The following HCN1 variants were observed in gnomAD, a reference collection of about 807,000 sequenced individuals.
HCN1 encodes potassium/sodium hyperpolarization-activated cyclic nucleotide-gated channel 1.
Under a neutral mutation model 78.9 loss-of-function variants are expected in HCN1, and 13 were observed. The ratio of observed to expected loss-of-function variants is 0.16; its 90% CI spans 0.11 to 0.26. The LOEUF is 0.26. Among genes scored for constraint, HCN1 ranks in the 10% least tolerant of loss-of-function variants. The pLI, the probability that HCN1 is intolerant of heterozygous loss-of-function variation, is 1.00. For missense variants in HCN1, 810 were observed against 1,154.3 expected, an observed-to-expected ratio of 0.70 and a Z score of 4.32; for synonymous variants, 552 against 455.5, an observed-to-expected ratio of 1.21 and a Z score of -2.70.
intron 6 of HCN1, among the ~76,000 whole-genome samples, chr5:45,278,121 C>T (rs1220835225): frequency 1.3e-5 from 2 of 152,092 alleles, no homozygotes; most frequent in Non-Finnish European, 2.9e-5. Flanking sequence ...TGTCATCCCC[C>T]TGAGTGCCTG....
intron 4 of HCN1, among the ~76,000 whole-genome samples, chr5:45,367,691 C>A (rs1747263939): frequency 1.3e-5 from 2 of 151,848 alleles, no homozygotes. Context: ...ATCGTAACTT[C>A]CAAATAAGTT....
At chr5:45,682,290 C>CATATATATATAT (rs1340648040) in intron 1 of HCN1, among the ~76,000 whole-genome samples, 3 of 52,764 alleles carry the variant, frequency 5.7e-5, no homozygotes, top group African/African-American at 2.0e-4. Context: ...TATATATATA[C>CATATATATATAT]ACATATATAT....
chr5:45,589,791 G>A (rs1409252953), intron 2 of HCN1, among the ~76,000 whole-genome samples: 1 of 152,120 alleles, frequency 6.6e-6, no homozygotes, highest in East Asian at 1.9e-4. Flanking sequence ...TCAATAATTA[G>A]AAGAGAACAT....
intron 2 of HCN1, among the ~76,000 whole-genome samples, chr5:45,591,502 T>G (rs1252759704): frequency 6.6e-6 from 1 of 152,184 alleles, no homozygotes; most frequent in Non-Finnish European, 1.5e-5. Context: ...TGTTTTAGTT[T>G]GCATTTCCCT....
At chr5:45,426,095 C>T (rs1294287333) in intron 3 of HCN1, among the ~76,000 whole-genome samples, 3 of 152,134 alleles carry the variant, frequency 2.0e-5, no homozygotes, top group African/African-American at 7.2e-5. Flanking sequence ...AGGGTTTCAT[C>T]TTTCTCTGTA....
At chr5:45,312,841 G>C (rs1254200462) in intron 5 of HCN1, among the ~76,000 whole-genome samples, 2 of 152,188 alleles carry the variant, frequency 1.3e-5, no homozygotes, top group African/African-American at 4.8e-5. Context: ...CATTGCTGAG[G>C]CTTGAGTAGG....
At chr5:45,607,201 A>G (rs903050990) in intron 2 of HCN1, among the ~76,000 whole-genome samples, 1 of 151,850 alleles carries the variant, frequency 6.6e-6, no homozygotes, top group African/African-American at 2.4e-5. Context: ...CTGAATTATT[A>G]AAAAATTTTC....
chr5:45,586,665 C>T (rs901392412), intron 2 of HCN1, among the ~76,000 whole-genome samples: 3 of 152,088 alleles, frequency 2.0e-5, no homozygotes, highest in Non-Finnish European at 4.4e-5. Flanking sequence ...CATCTTGGCT[C>T]CTCCCTCCTA....
At chr5:45,558,035 G>A (rs1262633052) in intron 2 of HCN1, 1 of 151,876 alleles carries the variant, frequency 6.6e-6, no homozygotes, top group Non-Finnish European at 1.5e-5. Flanking sequence ...CAGACCAAAA[G>A]CTGGGCCTCT....
At chr5:45,539,919 GATATATATAT>G (rs66934051) in intron 2 of HCN1, among the ~76,000 whole-genome samples, 3,454 of 125,984 alleles carry the variant, frequency 0.027, 92 homozygotes, top group African/African-American at 0.072. Flanking sequence ...TAAATTGTGA[GATATATATAT>G]ATATATATAT....
At position 45,262,514 on chromosome 5, in the gene HCN1, G is replaced by A. The variant is rs1222433760; in HGVS notation, c.2080C>T (p.Leu694=). The change falls in exon 8 of 8, where the codon CTG becomes TTG. Residue 694 remains leucine, a synonymous_variant. Coordinates refer to ENST00000303230, the MANE Select transcript of HCN1 (RefSeq NM_021072.4). ...GCGGTGGTGTAGGAGCAGGGTGACA[G>A]GATGGCTGATGGCTGGGGGGTCTGT... ...STQTPQPSAI[L]SPCSYTTAVC... The A allele has an allele frequency of 6.2e-6, 10 of 1,613,762 alleles. No individual in the cohort carries two copies. Among genetic ancestry groups the A allele is most frequent in the Admixed American group, 1.7e-5 (1 of 60,004 alleles).
At position 45,350,985 on chromosome 5, in the gene HCN1, A is replaced by G. The variant is rs1366884701; in HGVS notation, c.1377+2115T>C. On this transcript the variant is annotated intron_variant, in intron 5 of 7. Transcript: ENST00000303230. ...TTATAGATTCAATGCCATCCCCATC[A>G]AGCTACCAATGACTGTCTTCACAGA... 3.3e-5 allele frequency among the ~76,000 whole-genome samples: 5 copies of G among 152,176 alleles called. No homozygotes were observed. In the East Asian group the frequency reaches 9.6e-4, roughly 29 times the overall value.
chr5:45,467,495 G>GA (rs201458461), intron 2 of HCN1, among the ~76,000 whole-genome samples: 20 of 150,194 alleles, frequency 1.3e-4, no homozygotes, highest in East Asian at 5.9e-4. Flanking sequence ...CATTTTCTCT[G>GA]AAAAAAAAAT....
chr5:45,262,406 T>C lies in HCN1; in HGVS notation c.2188A>G (p.Met730Val). 6.2e-7 allele frequency: 1 copy of C among 1,611,646 alleles called. No individual in the cohort carries two copies. The highest frequency in any genetic ancestry group is 2.2e-5 in the East Asian group (1 of 44,854). The change falls in exon 8 of 8, where the codon ATG becomes GTG. Residue 730 changes from methionine (M) to valine (V), a missense_variant. Around this residue, in one of 6 missense-constraint regions of HCN1, gnomAD observed 398 missense variants for 381.3 expected, o/e 1.04. Coordinates refer to ENST00000303230, the MANE Select transcript of HCN1 (RefSeq NM_021072.4). ...ACCTGCTGCTGCGGCTGCTGTTGCA[T>C]GAGTGACAGCTGGGAGGCGGTGGGG... ...ASPTASQLSL[M>V]QQQPQQQVQQ... is the part of the protein sequence containing the mutation.
chr5:45,264,183 G>C (rs1744808422), intron 7 of HCN1, among the ~76,000 whole-genome samples: 1 of 152,184 alleles, frequency 6.6e-6, no homozygotes. Flanking sequence ...CAAGGGCATA[G>C]TGCATTGCAG....
At chr5:45,601,140 A>C (rs1035422501) in intron 2 of HCN1, among the ~76,000 whole-genome samples, 3 of 152,186 alleles carry the variant, frequency 2.0e-5, no homozygotes, top group Non-Finnish European at 4.4e-5. Context: ...TGAAGACTCA[A>C]ATTGGGTAGT....
At chr5:45,317,245 C>A (rs1341937629) in intron 5 of HCN1, among the ~76,000 whole-genome samples, 4 of 151,872 alleles carry the variant, frequency 2.6e-5, no homozygotes, top group African/African-American at 4.8e-5. Flanking sequence ...CAGAACAGAG[C>A]CCTCAGAAAT....
At chr5:45,337,928 A>G (rs1425297348) in intron 5 of HCN1, among the ~76,000 whole-genome samples, 1 of 152,128 alleles carries the variant, frequency 6.6e-6, no homozygotes, top group Non-Finnish European at 1.5e-5. Flanking sequence ...TTTGCCACAA[A>G]AGTGAAAATA....
intron 2 of HCN1, among the ~76,000 whole-genome samples, chr5:45,641,415 C>T (rs1745453040): frequency 6.6e-6 from 1 of 152,092 alleles, no homozygotes; most frequent in African/African-American, 2.4e-5. Flanking sequence ...TTGAAATGTT[C>T]AAGACACATT....
Sources: gnomAD v4.1 joint callset for allele counts (sites outside exome capture counted in the v4.1 genomes callset) on GRCh38, gnomAD v4.1.1 for gene constraint, gnomAD v4.1.1 regional missense constraint, MANE v1.5 for transcripts, NCBI Gene and HGNC (gene_info 2026-07-23, HGNC 2026-07-21) for gene names.